POC5: variants seen among roughly 807,000 people sequenced by gnomAD.
The protein encoded by POC5 is POC5 centriolar protein, also known as centrosomal protein POC5.
POC5 carries 48 observed loss-of-function variants against 62.9 expected under a neutral mutation model. The observed-to-expected ratio is 0.76, with a 90% CI of 0.61 to 0.97. POC5 has a LOEUF of 0.97. Ranked by LOEUF, POC5 falls within the 50% of genes least tolerant of loss-of-function variation. The pLI is 0.00. For missense variants in POC5, 696 were observed against 679.5 expected, an observed-to-expected ratio of 1.02 and a Z score of -0.27; for synonymous variants, 236 against 228.2, an observed-to-expected ratio of 1.03 and a Z score of -0.31.
chr5:75,691,086 A>G lies in POC5; in HGVS notation c.796-524T>C, dbSNP rs1339590050. ...TTATGCTATTTTTCTTTTATCAATG[A>G]ATTTAAATTCTTTTGAAGAAGTAGT... On this transcript the variant is annotated intron_variant, in intron 7 of 11. Transcript: ENST00000428202. 3.9e-5 allele frequency among the ~76,000 whole-genome samples: 6 copies of G among 152,218 alleles called. No homozygotes were observed. The East Asian group carries it at 1.2e-3, about 29-fold the overall frequency.
Position 75,677,907 on chromosome 5 carries a change from C to T in POC5, c.1451G>A (p.Arg484Lys). Residue 484 changes from arginine to lysine, a missense_variant, in exon 11 of 12, where the codon AGA becomes AAA. By Grantham distance (26) the Arg-to-Lys change is conservative. Coordinates refer to ENST00000428202, the MANE Select transcript of POC5 (RefSeq NM_001099271.2). Reference protein sequence around the residue: ...VVTSAQQKAGRTITARITGRC... With the variant: ...VVTSAQQKAGKTITARITGRC... Reference sequence around the variant, plus strand: ...TCCTGTGATCCGGGCTGTAATAGTTCTTCCTGCTTTCTGTTGTGCAGAGGT... The same window carrying T: ...TCCTGTGATCCGGGCTGTAATAGTTTTTCCTGCTTTCTGTTGTGCAGAGGT... The T allele has an allele frequency of 6.2e-7, 1 of 1,609,534 alleles. No homozygotes were observed. Among genetic ancestry groups the T allele is most frequent in the Non-Finnish European group, 8.5e-7 (1 of 1,177,746 alleles).
intron 11 of POC5, 41 bp downstream of exon 11, chr5:75,677,732 GA>G (rs766356457): frequency 8.0e-6 from 12 of 1,492,488 alleles, no homozygotes; most frequent in Non-Finnish European, 7.2e-6. Context: ...GAACTCTCAG[GA>G]AAAAGACTTT....
chr5:75,694,910 AT>A, intron 5 of POC5, 79 bp from the exon 6 acceptor site: 1 of 1,041,348 alleles, frequency 9.6e-7, no homozygotes, highest in Non-Finnish European at 1.4e-6. Context: ...ATAAAGAAAC[AT>A]TAAAAAAATC....
chr5:75,693,771 A>C lies in POC5; in HGVS notation c.690+884T>G, dbSNP rs953208623. The stretch of plus-strand genomic sequence containing the variant: ...TGCCCAAGTCCTCCTCTTCTGAACA[A>C]CACCACTCTCCTATCCATAAGTGGA... On this transcript the variant is annotated intron_variant, in intron 6 of 11. Transcript: ENST00000428202. Among the ~76,000 whole-genome samples the C allele has an allele frequency of 4.6e-5, 7 of 152,142 alleles. No homozygotes were observed. The East Asian group carries it at 5.8e-4, about 13-fold the overall frequency.
At chr5:75,712,375 C>T (rs1216000879) in intron 2 of POC5, 1 of 1,600,784 alleles carries the variant, frequency 6.2e-7, no homozygotes, top group Non-Finnish European at 8.6e-7. Context: ...AGTTAACTGA[C>T]CCACTTCATT....
At chr5:75,691,152 G>A (rs16872772) in intron 7 of POC5, among the ~76,000 whole-genome samples, 7,516 of 152,164 alleles carry the variant, frequency 0.049, 643 homozygotes, top group African/African-American at 0.17. Context: ...CTATCCAAAA[G>A]TGACAGTAGC....
intron 10 of POC5, among the ~76,000 whole-genome samples, chr5:75,679,387 T>A (rs1427053053): frequency 6.6e-6 from 1 of 152,198 alleles, no homozygotes; most frequent in Non-Finnish European, 1.5e-5. Flanking sequence ...ATTATTATAG[T>A]TCATCTGTGA....
At chr5:75,700,286 G>C (rs1365487538) in intron 5 of POC5, among the ~76,000 whole-genome samples, 1 of 151,794 alleles carries the variant, frequency 6.6e-6, no homozygotes, top group Admixed American at 6.6e-5. Context: ...AAAGAACAAA[G>C]CTGGAGGCAT....
At chr5:75,703,799 G>A (rs1048779118) in intron 4 of POC5, among the ~76,000 whole-genome samples, 3 of 152,098 alleles carry the variant, frequency 2.0e-5, no homozygotes, top group Non-Finnish European at 2.9e-5. Context: ...CTCATCCCCT[G>A]CCCATATCCA....
At chr5:75,704,384 G>GT (rs1330279354) in intron 4 of POC5, among the ~76,000 whole-genome samples, 1 of 152,016 alleles carries the variant, frequency 6.6e-6, no homozygotes, top group South Asian at 2.1e-4. Flanking sequence ...TAAGATTTTA[G>GT]TTTTTTTGCA....
intron 5 of POC5, among the ~76,000 whole-genome samples, chr5:75,697,248 T>C (rs1776644494): frequency 6.6e-6 from 1 of 151,980 alleles, no homozygotes. Context: ...CCAAGACACA[T>C]AATTGTCAGA....
chr5:75,691,777 T>C (rs1416498563), intron 7 of POC5, among the ~76,000 whole-genome samples: 4 of 152,176 alleles, frequency 2.6e-5, no homozygotes, highest in Admixed American at 2.6e-4. Flanking sequence ...GATATACTCA[T>C]ACTTTTCCAC....
At chr5:75,702,542 A>C (rs1776931860) in intron 5 of POC5, 63 bp downstream of exon 5, 1 of 1,454,352 alleles carries the variant, frequency 6.9e-7, no homozygotes, top group African/African-American at 1.4e-5. Flanking sequence ...AACAGTATAA[A>C]TGAGAGTAAA....
chr5:75,681,388 A>G (rs945032258), intron 10 of POC5, among the ~76,000 whole-genome samples: 2 of 152,158 alleles, frequency 1.3e-5, no homozygotes, highest in African/African-American at 4.8e-5. Flanking sequence ...TTTAAAATTC[A>G]GTGAAAAATA....
intron 5 of POC5, among the ~76,000 whole-genome samples, chr5:75,698,311 C>G (rs1313970872): frequency 9.3e-5 from 14 of 150,822 alleles, no homozygotes; most frequent in South Asian, 8.6e-4. Context: ...TGACCACATA[C>G]TTGGAAGTAA....
chr5:75,704,138 A>G (rs1033011435), intron 4 of POC5, among the ~76,000 whole-genome samples: 2 of 148,482 alleles, frequency 1.3e-5, no homozygotes, highest in Non-Finnish European at 3.0e-5. Context: ...TGGGTGATAG[A>G]GCGAGACTCT....
intron 5 of POC5, among the ~76,000 whole-genome samples, chr5:75,697,205 A>G (rs1304151569): frequency 6.6e-6 from 1 of 152,194 alleles, no homozygotes; most frequent in Non-Finnish European, 1.5e-5. Flanking sequence ...AATACAGAGA[A>G]CGCCACAAAG....
intron 10 of POC5, among the ~76,000 whole-genome samples, chr5:75,682,207 T>C (rs1775893019): frequency 1.6e-5 from 1 of 63,994 alleles, no homozygotes; most frequent in Admixed American, 1.5e-4. Context: ...ATGACCAGAT[T>C]ATTCAAAAAG....
intron 11 of POC5, among the ~76,000 whole-genome samples, chr5:75,676,908 T>C (rs1484247023): frequency 6.6e-6 from 1 of 152,078 alleles, no homozygotes; most frequent in Non-Finnish European, 1.5e-5. Context: ...TTATCACTCT[T>C]ATTATACTTT....
Sources: allele counts gnomAD v4.1 joint callset (sites outside exome capture counted in the v4.1 genomes callset), GRCh38; gene constraint gnomAD v4.1.1; transcripts MANE v1.5; gene names NCBI Gene and HGNC (gene_info 2026-07-23, HGNC 2026-07-21).